Variants in CCSER1 observed in about 807,000 individuals in gnomAD.
CCSER1 encodes coiled-coil serine rich protein 1.
CCSER1 carries 41 observed loss-of-function variants against 82.0 expected under a neutral mutation model. The ratio of observed to expected loss-of-function variants is 0.50; its 90% CI spans 0.39 to 0.65. CCSER1 has a LOEUF of 0.65. CCSER1 is among the 30% of genes least tolerant of loss of function. The pLI is 0.00. For synonymous variants in CCSER1, 414 were observed against 383.9 expected, an observed-to-expected ratio of 1.08 and a Z score of -0.92; for missense variants, 1,119 against 1,064.2, an observed-to-expected ratio of 1.05 and a Z score of -0.72.
chr4:91,131,590 GAAA>G (rs1282410075), intron 10 of CCSER1, among the ~76,000 whole-genome samples: 2 of 151,828 alleles, frequency 1.3e-5, no homozygotes, highest in Non-Finnish European at 2.9e-5. Context: ...TTCATTAAAA[GAAA>G]AAATCTATGT....
intron 10 of CCSER1, among the ~76,000 whole-genome samples, chr4:91,271,682 A>G (rs1224404017): frequency 6.6e-6 from 1 of 152,070 alleles, no homozygotes; most frequent in Non-Finnish European, 1.5e-5. Flanking sequence ...TATGATATAT[A>G]TACACACACA....
In CCSER1 at chr4:91,075,405, C is replaced by T. The variant is rs138116402; in HGVS notation, c.2173-10545C>T. ...ATGAATTTTTTCCAACCACATCCCC[C>T]AGAGTATTTTTAAATATGCTTTGCT... On this transcript the variant is annotated intron_variant, in intron 9 of 10. Transcript: ENST00000509176. Among the ~76,000 whole-genome samples, 462 of 152,110 alleles carry T rather than the reference C, an allele frequency of 3.0e-3. 1 individual carries two copies. Among genetic ancestry groups the T allele is most frequent in the African/African-American group, 0.011 (446 of 41,504 alleles).
chr4:91,344,133 A>C (rs1560601143), intron 10 of CCSER1, among the ~76,000 whole-genome samples: 1 of 152,188 alleles, frequency 6.6e-6, no homozygotes, highest in African/African-American at 2.4e-5. Context: ...TTAAGTCTTA[A>C]GGGCTTCGCC....
chr4:90,571,248 T>C (rs916065721), intron 5 of CCSER1, among the ~76,000 whole-genome samples: 1 of 152,046 alleles, frequency 6.6e-6, no homozygotes, highest in African/African-American at 2.4e-5. Context: ...CAAAGGAAAA[T>C]AAATTGTTCT....
chr4:90,629,941 G>A (rs555167569), intron 6 of CCSER1, among the ~76,000 whole-genome samples: 1 of 152,256 alleles, frequency 6.6e-6, no homozygotes, highest in Non-Finnish European at 1.5e-5. Context: ...GAATCACATG[G>A]TGGAAGTACT....
chr4:90,488,440 G>A (rs553530140), intron 5 of CCSER1, among the ~76,000 whole-genome samples: 20 of 152,160 alleles, frequency 1.3e-4, no homozygotes, highest in African/African-American at 4.6e-4. Context: ...CGCCCCACTC[G>A]GCCTCCCAAA....
At chr4:90,385,214 A>G (rs1300159862) in intron 3 of CCSER1, among the ~76,000 whole-genome samples, 4 of 152,166 alleles carry the variant, frequency 2.6e-5, no homozygotes, top group Admixed American at 2.6e-4. Context: ...TCTTTTTGAC[A>G]TAATGACTTA....
At chr4:91,114,422 A>G (rs973677204) in intron 10 of CCSER1, among the ~76,000 whole-genome samples, 1 of 152,166 alleles carries the variant, frequency 6.6e-6, no homozygotes, top group African/African-American at 2.4e-5. Context: ...CTAAAGGCCC[A>G]CTATGTTCCT....
intron 8 of CCSER1, among the ~76,000 whole-genome samples, chr4:90,849,803 A>G (rs1020188537): frequency 6.6e-6 from 1 of 151,694 alleles, no homozygotes; most frequent in Non-Finnish European, 1.5e-5. Context: ...AAAAAAAAAA[A>G]AAAAAAAAGA....
intron 9 of CCSER1, among the ~76,000 whole-genome samples, chr4:90,923,721 A>T (rs1327541094): frequency 6.6e-6 from 1 of 152,198 alleles, no homozygotes; most frequent in Non-Finnish European, 1.5e-5. Flanking sequence ...CATGTAGAAG[A>T]TATGCATTAG....
rs187161303 is a variant in CCSER1, at chr4:90,127,791, G to T, written c.-82G>T. 6.8e-3 allele frequency: 1,040 copies of T among 152,608 alleles called. 10 individuals are homozygous for T. The highest frequency in any genetic ancestry group is 0.022 in the African/African-American group (912 of 41,588). 9.5% of individuals were successfully genotyped at this position (152,608 alleles called of 1,614,324 possible). On this transcript the variant is annotated 5_prime_UTR_variant, in exon 1 of 11. Coordinates refer to ENST00000509176, the MANE Select transcript of CCSER1 (RefSeq NM_001145065.2). The stretch of plus-strand genomic sequence containing the variant: ...GTGCCCCGAAGACATAAATCCCTGA[G>T]TGCCCGGGAGGAGCCTTAACAAGCG...
At chr4:91,096,353 T>A (rs1724513291) in intron 10 of CCSER1, among the ~76,000 whole-genome samples, 1 of 152,094 alleles carries the variant, frequency 6.6e-6, no homozygotes, top group South Asian at 2.1e-4. Context: ...CTGCCATGAG[T>A]CTTCAGGCTC....
chr4:90,845,379 A>AAT (rs1554026609), intron 8 of CCSER1, among the ~76,000 whole-genome samples: 3 of 151,264 alleles, frequency 2.0e-5, no homozygotes, highest in African/African-American at 7.3e-5. Flanking sequence ...AAAAAAAAAA[A>AAT]AGAATATTTG....
chr4:91,543,635 C>T (rs959974644), intron 10 of CCSER1, among the ~76,000 whole-genome samples: 2 of 152,210 alleles, frequency 1.3e-5, no homozygotes, highest in African/African-American at 4.8e-5. Context: ...GGCCCCCACT[C>T]TCTTCCGGCT....
intron 1 of CCSER1, among the ~76,000 whole-genome samples, chr4:90,219,848 T>C (rs114999558): frequency 0.042 from 6,372 of 152,244 alleles, 212 homozygotes; most frequent in Non-Finnish European, 0.061. Context: ...AGTCTTTAGA[T>C]TGCTTCTATA....
chr4:91,162,463 A>C (rs1731521582), intron 10 of CCSER1, among the ~76,000 whole-genome samples: 1 of 152,040 alleles, frequency 6.6e-6, no homozygotes, highest in African/African-American at 2.4e-5. Flanking sequence ...TTAGAGAGGA[A>C]TTCCTCTTTT....
chr4:90,838,995 T>C (rs1762207253), intron 8 of CCSER1: 1 of 1,612,924 alleles, frequency 6.2e-7, no homozygotes, highest in Non-Finnish European at 8.5e-7. Flanking sequence ...AGTTTCGGCT[T>C]ATCGAATTTC....
chr4:91,077,421 A>G (rs1722119107), intron 9 of CCSER1, among the ~76,000 whole-genome samples: 1 of 152,266 alleles, frequency 6.6e-6, no homozygotes, highest in African/African-American at 2.4e-5. Flanking sequence ...ATTACTGGAC[A>G]TGAGAAAAAA....
chr4:91,391,436 G>A (rs565206128), intron 10 of CCSER1, among the ~76,000 whole-genome samples: 29 of 152,074 alleles, frequency 1.9e-4, no homozygotes, highest in Non-Finnish European at 3.7e-4. Flanking sequence ...GAGCAGCTGG[G>A]ACTACAGGCG....
Sources: gnomAD v4.1 joint callset for allele counts (sites outside exome capture counted in the v4.1 genomes callset) on GRCh38, gnomAD v4.1.1 for gene constraint, MANE v1.5 for transcripts, NCBI Gene and HGNC (gene_info 2026-07-23, HGNC 2026-07-21) for gene names.